Variants in ATP10B observed in about 807,000 individuals in gnomAD.
ATP10B encodes the protein ATPase phospholipid transporting 10B (putative).
In ATP10B, 122 loss-of-function variants were observed where a neutral mutation model predicts 141.2. The ratio of observed to expected loss-of-function variants is 0.86; its 90% CI spans 0.75 to 1.00. The LOEUF (loss-of-function observed/expected upper bound fraction) is 1.00, where lower values mean the gene tolerates loss of function less well. ATP10B is among the 50% of genes least tolerant of loss of function. The pLI is 0.00. For missense variants in ATP10B, 1,876 were observed against 1,825.3 expected (o/e 1.03, Z -0.51); for synonymous variants, 685 against 692.0 (o/e 0.99, Z 0.16).
chr5:160,912,984 C>A, the ATP10B span, among the ~76,000 whole-genome samples: 3 of 152,164 alleles, frequency 2.0e-5, no homozygotes, highest in African/African-American at 7.2e-5. Flanking sequence ...ACATGCTGGC[C>A]ATGACTCAAT....
the ATP10B span, among the ~76,000 whole-genome samples, chr5:160,874,116 T>C: frequency 1.3e-5 from 2 of 152,192 alleles, no homozygotes; most frequent in South Asian, 4.2e-4. Context: ...CAGTAACCTC[T>C]GCAGACTTAA....
At chr5:160,929,263 G>T in the ATP10B span, among the ~76,000 whole-genome samples, 4 of 152,276 alleles carry the variant, frequency 2.6e-5, no homozygotes, top group East Asian at 7.7e-4. Context: ...GACAGGGAGG[G>T]TTGGCACTCC....
intron 7 of ATP10B, among the ~76,000 whole-genome samples, chr5:160,653,888 AAT>A (rs1331852428): frequency 5.4e-4 from 57 of 104,722 alleles, no homozygotes; most frequent in Admixed American, 9.0e-4. Flanking sequence ...TACATATATA[AAT>A]ATATGTAGTA....
At chr5:160,591,633 T>C (rs922475404) in intron 22 of ATP10B, among the ~76,000 whole-genome samples, 3 of 152,144 alleles carry the variant, frequency 2.0e-5, no homozygotes, top group Non-Finnish European at 2.9e-5. Context: ...GTTCAACAGC[T>C]CCAGAAACAA....
intron 3 of ATP10B, among the ~76,000 whole-genome samples, chr5:160,694,671 C>T (rs920026568): frequency 6.6e-6 from 1 of 152,212 alleles, no homozygotes; most frequent in Non-Finnish European, 1.5e-5. Context: ...CCATCTCTAG[C>T]AAGTTCCATT....
chr5:160,567,423 A>G (rs903734393), intron 25 of ATP10B, among the ~76,000 whole-genome samples: 1 of 152,134 alleles, frequency 6.6e-6, no homozygotes, highest in African/African-American at 2.4e-5. Flanking sequence ...TGCCCCCTCC[A>G]TTTATAACTA....
chr5:160,655,496 A>C (rs1402831036), intron 7 of ATP10B, among the ~76,000 whole-genome samples: 1 of 152,120 alleles, frequency 6.6e-6, no homozygotes, highest in Non-Finnish European at 1.5e-5. Context: ...TTGCAGGCAC[A>C]CCATAAAGAT....
At chr5:160,845,004 C>T (rs185707219) in intron 1 of ATP10B, among the ~76,000 whole-genome samples, 318 of 149,366 alleles carry the variant, frequency 2.1e-3, no homozygotes, top group African/African-American at 7.5e-3. Flanking sequence ...GGAATCAGAT[C>T]GGATTTGGCC....
chr5:160,824,421 A>T (rs1774418221), intron 1 of ATP10B, among the ~76,000 whole-genome samples: 1 of 152,186 alleles, frequency 6.6e-6, no homozygotes, highest in South Asian at 2.1e-4. Context: ...CAGTGGTTGC[A>T]ACTGCTCCCA....
At chr5:160,893,454 A>G in the ATP10B span, among the ~76,000 whole-genome samples, 1 of 152,178 alleles carries the variant, frequency 6.6e-6, no homozygotes, top group East Asian at 1.9e-4. Flanking sequence ...GGGAGAACCC[A>G]CTGCAGCGAT....
Position 160,612,906 on chromosome 5 carries a change from G to A in ATP10B, c.2673C>T (p.Asp891=), listed in dbSNP as rs374406253. 6 of 1,613,296 alleles carry A rather than the reference G, an allele frequency of 3.7e-6. No individual in the cohort carries two copies. Among genetic ancestry groups the A allele is most frequent in the East Asian group, 2.2e-5 (1 of 44,876 alleles). Reference sequence around the variant, plus strand: ...TATCTGGAACTCCTTCCTGCAGCCGGTCTTCGATCCCAGTGGCTCCTGGAG... The same window carrying A: ...TATCTGGAACTCCTTCCTGCAGCCGATCTTCGATCCCAGTGGCTCCTGGAG... ...LTLLGATGIE[D]RLQEGVPDTI... is the part of the protein sequence containing the mutation. Residue 891 remains aspartate (D), a synonymous_variant, in exon 18 of 26, where the codon GAC becomes GAT. Transcript: ENST00000327245.
At chr5:160,876,668 A>G in the ATP10B span, among the ~76,000 whole-genome samples, 2 of 152,158 alleles carry the variant, frequency 1.3e-5, no homozygotes, top group Admixed American at 1.3e-4. Context: ...AGAGAGTAGA[A>G]TCAAATAGAC....
At chr5:160,622,357 C>A in intron 14 of ATP10B, 37 bp downstream of exon 14, 1 of 1,572,822 alleles carries the variant, frequency 6.4e-7, no homozygotes, top group Non-Finnish European at 8.6e-7. Flanking sequence ...TCCTCTACCT[C>A]CTTTACCCTC....
chr5:160,831,043 T>C (rs961377463), intron 1 of ATP10B, among the ~76,000 whole-genome samples: 1 of 151,608 alleles, frequency 6.6e-6, no homozygotes. Context: ...ACTTTGAAAT[T>C]GGGCAAGCTT....
chr5:160,783,562 T>TACACAG (rs1387883213), intron 2 of ATP10B, among the ~76,000 whole-genome samples: 1 of 131,292 alleles, frequency 7.6e-6, no homozygotes, highest in African/African-American at 2.8e-5. Flanking sequence ...ATATATATGA[T>TACACAG]ACACACACAC....
intron 2 of ATP10B, among the ~76,000 whole-genome samples, chr5:160,766,635 T>G (rs537143544): frequency 3.3e-5 from 5 of 152,278 alleles, no homozygotes; most frequent in African/African-American, 1.2e-4. Context: ...ACACATTGGG[T>G]GCAGTGTACA....
chr5:160,620,488 T>C lies in ATP10B; in HGVS notation c.2275A>G (p.Ser759Gly). The C allele has an allele frequency of 6.2e-7, 1 of 1,614,196 alleles. No homozygotes were observed. Among genetic ancestry groups the C allele is most frequent in the South Asian group, 1.1e-5 (1 of 91,076 alleles). ...RLPQGTCLTFSLLCTLGFDSV... is the reference protein window; with the variant it reads ...RLPQGTCLTFGLLCTLGFDSV... Reference sequence around the variant, plus strand: ...TCAAAGCCCAGGGTGCAGAGGAGGCTGAAGGTGAGGCAGGTGCCCTGGGGC... The same window carrying C: ...TCAAAGCCCAGGGTGCAGAGGAGGCCGAAGGTGAGGCAGGTGCCCTGGGGC... The change falls in exon 15 of 26, where the codon AGC (serine) becomes GGC (glycine). Residue 759 changes from serine (S) to glycine (G), a missense_variant. By Grantham distance (56) the Ser-to-Gly change is moderately conservative. Transcript: ENST00000327245.
At chr5:160,814,153 G>A (rs1373923577) in intron 1 of ATP10B, among the ~76,000 whole-genome samples, 1 of 152,168 alleles carries the variant, frequency 6.6e-6, no homozygotes, top group Non-Finnish European at 1.5e-5. Context: ...GACAAGTTGA[G>A]AGAAGAAGTC....
At chr5:160,791,509 C>T (rs1442348956) in intron 1 of ATP10B, among the ~76,000 whole-genome samples, 1 of 152,032 alleles carries the variant, frequency 6.6e-6, no homozygotes, top group Non-Finnish European at 1.5e-5. Flanking sequence ...CAGTCCAGGG[C>T]CTTCCACCAT....
Sources: allele counts gnomAD v4.1 joint callset (sites outside exome capture counted in the v4.1 genomes callset), GRCh38; gene constraint gnomAD v4.1.1; transcripts MANE v1.5; gene names NCBI Gene and HGNC (gene_info 2026-07-23, HGNC 2026-07-21).